BICD1: variants seen among roughly 807,000 people sequenced by gnomAD.
The protein encoded by BICD1 is protein bicaudal D homolog 1.
Under a neutral mutation model 92.5 loss-of-function variants are expected in BICD1, and 35 were observed. The observed-to-expected ratio is 0.38, with a 90% CI of 0.29 to 0.50. The LOEUF is 0.50. BICD1 is among the 20% of genes least tolerant of loss of function. The pLI, the probability that BICD1 is intolerant of heterozygous loss-of-function variation, is 0.93. For missense variants in BICD1, 950 were observed against 1,189.8 expected, an observed-to-expected ratio of 0.80 and a Z score of 2.97; for synonymous variants, 429 against 465.1, an observed-to-expected ratio of 0.92 and a Z score of 1.00.
intron 8 of BICD1, among the ~76,000 whole-genome samples, chr12:32,351,487 CAAAAAAAAAAAAAA>C (rs35002678): frequency 5.2e-5 from 3 of 57,226 alleles, no homozygotes; most frequent in Non-Finnish European, 9.0e-5. Flanking sequence ...GACTCTGTCT[CAAAAAAAAAAAAAA>C]AAAAAAAAAA....
In BICD1 at chr12:32,376,881, G is replaced by C. The variant is rs900008341; in HGVS notation, c.2841-659G>C. ...AGACTCCATCTAAAAAAAAAAGGGG[G>C]GGGGGGGTGAAATATAAAACTCTTC... On this transcript the variant is annotated intron_variant, in intron 9 of 9. Coordinates refer to ENST00000652176, the MANE Select transcript of BICD1 (RefSeq NM_001714.4). 7.6e-4 allele frequency among the ~76,000 whole-genome samples: 110 copies of C among 144,352 alleles called. 1 individual carries two copies. The highest frequency in any genetic ancestry group is 2.5e-3 in the African/African-American group (99 of 40,278). 94.7% of individuals were successfully genotyped at this position (144,352 alleles called of 152,430 possible).
At chr12:32,346,616 G>GTATATA (rs1260180834) in intron 8 of BICD1, among the ~76,000 whole-genome samples, 30 of 2,872 alleles carry the variant, frequency 0.01, 7 homozygotes, top group Admixed American at 0.067. Context: ...ATATATACGT[G>GTATATA]TATATATATA....
In BICD1 at chr12:32,381,084, AT is replaced by A. The variant is rs1214191204; in HGVS notation, c.*3461del. 6.6e-6 allele frequency: 1 copy of A among 152,098 alleles called. No homozygotes were observed. Among genetic ancestry groups the A allele is most frequent in the African/African-American group, 2.4e-5 (1 of 41,446 alleles). 9.4% of individuals were successfully genotyped at this position (152,098 alleles called of 1,614,324 possible). A position where few individuals can be genotyped will look rare whatever the true frequency, so the allele number is the denominator to read the frequency against. ...GAGCTCATAATCCTGTGATTCTTTT[AT>A]TTTAAGTTTTAAAATACATTAAAAT... On this transcript the variant is annotated 3_prime_UTR_variant, in exon 10 of 10. Coordinates refer to ENST00000652176, the MANE Select transcript of BICD1 (RefSeq NM_001714.4).
intron 6 of BICD1, 90 bp downstream of exon 6, chr12:32,334,757 T>G: frequency 7.0e-7 from 1 of 1,423,260 alleles, no homozygotes; most frequent in Non-Finnish European, 9.4e-7. Context: ...GTTGAGTGTA[T>G]TCGGTGAGTA....
intron 1 of BICD1, among the ~76,000 whole-genome samples, chr12:32,192,260 T>G (rs1167542992): frequency 6.6e-6 from 1 of 151,808 alleles, no homozygotes; most frequent in Non-Finnish European, 1.5e-5. Flanking sequence ...TGAAACCCCA[T>G]CTCTACTAAA....
intron 1 of BICD1, among the ~76,000 whole-genome samples, chr12:32,123,469 T>C (rs1942224477): frequency 6.6e-6 from 1 of 152,250 alleles, no homozygotes; most frequent in Non-Finnish European, 1.5e-5. Flanking sequence ...ATTAACTCAG[T>C]ATCCCATGAG....
intron 1 of BICD1, among the ~76,000 whole-genome samples, chr12:32,172,480 G>C (rs1943974393): frequency 1.3e-5 from 2 of 152,196 alleles, no homozygotes; most frequent in Admixed American, 6.5e-5. Context: ...CCAGAATCTA[G>C]AGCCTTTCCC....
chr12:32,117,742 A>ATG (rs1227078776), intron 1 of BICD1, among the ~76,000 whole-genome samples: 1 of 89,544 alleles, frequency 1.1e-5, no homozygotes, highest in East Asian at 3.1e-4. Context: ...ACACATATAT[A>ATG]TATATATATA....
chr12:32,241,239 A>G (rs1946227443), intron 2 of BICD1, among the ~76,000 whole-genome samples: 1 of 152,228 alleles, frequency 6.6e-6, no homozygotes, highest in African/African-American at 2.4e-5. Flanking sequence ...AGAAATTACC[A>G]TTCCATTAAG....
chr12:32,321,348 T>G (rs980463402), intron 4 of BICD1, among the ~76,000 whole-genome samples: 9 of 151,684 alleles, frequency 5.9e-5, no homozygotes, highest in Non-Finnish European at 1.2e-4. Flanking sequence ...AAATAAAAGG[T>G]AAACACTCAG....
intron 2 of BICD1, among the ~76,000 whole-genome samples, chr12:32,246,232 T>A (rs1345377018): frequency 6.7e-6 from 1 of 148,730 alleles, no homozygotes; most frequent in Non-Finnish European, 1.5e-5. Context: ...TCCCAGCTGC[T>A]TGGGAGGCTG....
At chr12:32,356,868 T>C (rs1939133826) in intron 8 of BICD1, among the ~76,000 whole-genome samples, 1 of 152,174 alleles carries the variant, frequency 6.6e-6, no homozygotes, top group African/African-American at 2.4e-5. Flanking sequence ...TATATGGACA[T>C]TTATATTTTC....
At chr12:32,190,380 G>A (rs551198778) in intron 1 of BICD1, among the ~76,000 whole-genome samples, 2 of 152,294 alleles carry the variant, frequency 1.3e-5, no homozygotes, top group African/African-American at 4.8e-5. Flanking sequence ...GACATACATA[G>A]GCTGAAAGTA....
In BICD1 at chr12:32,334,515, G is replaced by T; in HGVS notation, c.2101-1G>T. The T allele has an allele frequency of 6.2e-7, 1 of 1,605,544 alleles. No homozygotes were observed. Among genetic ancestry groups the T allele is most frequent in the South Asian group, 1.1e-5 (1 of 89,614 alleles). ...GTAAGCAGTGTGATTTTCTGCTTTAGACAGCTGAGGTGGCGCTAGCTAATC... is the reference window on the plus strand; with the variant it reads ...GTAAGCAGTGTGATTTTCTGCTTTATACAGCTGAGGTGGCGCTAGCTAATC... On this transcript the variant is annotated splice_acceptor_variant, in intron 5 of 9. Transcript: ENST00000652176. LOFTEE classifies it high-confidence loss of function.
At chr12:32,276,465 C>T (rs1445792258) in intron 2 of BICD1, among the ~76,000 whole-genome samples, 1 of 152,176 alleles carries the variant, frequency 6.6e-6, no homozygotes, top group African/African-American at 2.4e-5. Flanking sequence ...CACACCCAAC[C>T]AGAGAGTTCA....
rs118094305 is a variant in BICD1, at chr12:32,283,307, C to A, written c.427-10687C>A. ...TGATTTTGACCAAATTTAGTTAATA[C>A]CGAAGTCAGGATCTGAACCCGGGGA... On this transcript the variant is annotated intron_variant, in intron 2 of 9. Transcript: ENST00000652176. Among the ~76,000 whole-genome samples, 811 of 151,668 alleles carry A rather than the reference C, an allele frequency of 5.3e-3. 10 individuals carry two copies. Among genetic ancestry groups the A allele is most frequent in the Non-Finnish European group, 7.9e-3 (539 of 67,810 alleles).
intron 3 of BICD1, among the ~76,000 whole-genome samples, chr12:32,305,344 C>T (rs1170594617): frequency 1.3e-5 from 2 of 151,862 alleles, no homozygotes; most frequent in African/African-American, 4.8e-5. Context: ...GCAAACAGTG[C>T]CCCCTTTTGA....
chr12:32,366,131 T>C (rs1433958515), intron 8 of BICD1, among the ~76,000 whole-genome samples: 1 of 152,250 alleles, frequency 6.6e-6, no homozygotes, highest in Non-Finnish European at 1.5e-5. Flanking sequence ...ACAGTTTTAG[T>C]GTATTTCTGG....
chr12:32,156,670 G>C (rs1943448187), intron 1 of BICD1, among the ~76,000 whole-genome samples: 1 of 152,100 alleles, frequency 6.6e-6, no homozygotes, highest in Non-Finnish European at 1.5e-5. Flanking sequence ...CTGTTAACTG[G>C]CTGTCAAGTT....
Sources: gnomAD v4.1 joint callset for allele counts (sites outside exome capture counted in the v4.1 genomes callset) on GRCh38, gnomAD v4.1.1 for gene constraint, MANE v1.5 for transcripts, NCBI Gene and HGNC (gene_info 2026-07-23, HGNC 2026-07-21) for gene names.